IFT122: variants seen among roughly 807,000 people sequenced by gnomAD.
The protein encoded by IFT122 is intraflagellar transport 122.
Under a neutral mutation model 161.6 loss-of-function variants are expected in IFT122, and 118 were observed. That is an observed-to-expected ratio of 0.73 (90% CI 0.63 to 0.85). The LOEUF (loss-of-function observed/expected upper bound fraction) is 0.85, where lower values mean the gene tolerates loss of function less well. Ranked by LOEUF, IFT122 falls within the 40% of genes least tolerant of loss-of-function variation. The pLI is 0.00. For missense variants in IFT122, 1,381 were observed against 1,579.6 expected (o/e 0.87, Z 2.13); for synonymous variants, 550 against 602.4 (o/e 0.91, Z 1.27).
rs1242825996 is a variant in IFT122 at position 129,469,414 on chromosome 3, A to G, written c.813A>G (p.Lys271=). 1.9e-6 allele frequency: 3 copies of G among 1,612,642 alleles called. No homozygotes were observed. The highest frequency in any genetic ancestry group is 1.7e-5 in the Admixed American group (1 of 60,000). ...QKVSFYQLSG[K]QIGKDRALNF... The stretch of plus-strand genomic sequence containing the variant: ...TTTCCTTCTACCAGCTGAGTGGAAA[A>G]CAGGTATGTAGCCCTGTACAAATCC... Residue 271 remains lysine (K), a synonymous_variant, in exon 9 of 30, where the codon AAA becomes AAG. Transcript: ENST00000348417.
chr3:129,450,227 T>A (rs1228210449), intron 2 of IFT122, among the ~76,000 whole-genome samples: 1 of 152,200 alleles, frequency 6.6e-6, no homozygotes. Flanking sequence ...GAAACTGGAC[T>A]GGTGTCAGTT....
chr3:129,500,296 G>C (rs890575260), intron 19 of IFT122, among the ~76,000 whole-genome samples: 1 of 152,216 alleles, frequency 6.6e-6, no homozygotes, highest in African/African-American at 2.4e-5. Context: ...GAGACACCGG[G>C]ACATCACAGC....
At chr3:129,481,746 C>T (rs2078674068) in intron 14 of IFT122, 52 bp downstream of exon 14, 1 of 1,589,846 alleles carries the variant, frequency 6.3e-7, no homozygotes, top group Non-Finnish European at 8.6e-7. Flanking sequence ...AGAGACTCTC[C>T]TCTAGCTTCC....
At chr3:129,479,695 T>G in intron 12 of IFT122, 90 bp from the exon 13 acceptor site, 22 of 1,498,338 alleles carry the variant, frequency 1.5e-5, no homozygotes, top group Non-Finnish European at 2.0e-5. Context: ...GTAGGTATTT[T>G]CTCCCCTTAG....
intron 9 of IFT122, among the ~76,000 whole-genome samples, chr3:129,470,631 C>T (rs1347285216): frequency 1.3e-5 from 2 of 151,586 alleles, no homozygotes; most frequent in South Asian, 2.1e-4. Context: ...AGTGTAATGG[C>T]TCAATCTCGG....
At chr3:129,465,574 A>C (rs1022645651) in intron 7 of IFT122, among the ~76,000 whole-genome samples, 19 of 145,026 alleles carry the variant, frequency 1.3e-4, no homozygotes, top group Admixed American at 1.3e-3. Flanking sequence ...GGGTTCACGC[A>C]GTTCTCCTGT....
At chr3:129,456,026 A>G (rs1390709558) in intron 3 of IFT122, 1 of 428,580 alleles carries the variant, frequency 2.3e-6, no homozygotes, top group Non-Finnish European at 4.7e-6. Flanking sequence ...TTCAGGGGTC[A>G]ACTGTATGTA....
At position 129,511,569 on chromosome 3, in the gene IFT122, G is replaced by A. The variant is rs564156412; in HGVS notation, c.2887-743G>A. Among the ~76,000 whole-genome samples the A allele has an allele frequency of 4.6e-5, 7 of 152,332 alleles. No individual in the cohort carries two copies. The East Asian group carries it at 1.4e-3, about 29-fold the overall frequency. Reference sequence around the variant, plus strand: ...ATCTCAGTTTATATACAGTGTGCCAGATGCCTTCAAAATAAGGTATTCTTA... The same window carrying A: ...ATCTCAGTTTATATACAGTGTGCCAAATGCCTTCAAAATAAGGTATTCTTA... On this transcript the variant is annotated intron_variant, in intron 23 of 29. Coordinates refer to ENST00000348417, the MANE Select transcript of IFT122 (RefSeq NM_052989.3).
intron 18 of IFT122, among the ~76,000 whole-genome samples, chr3:129,497,093 C>T (rs1306470051): frequency 3.3e-5 from 5 of 152,090 alleles, no homozygotes; most frequent in African/African-American, 1.2e-4. Flanking sequence ...CCAGCCTGGG[C>T]AATATGGTGA....
chr3:129,488,932 C>T (rs1194201880), intron 16 of IFT122, among the ~76,000 whole-genome samples: 4 of 152,136 alleles, frequency 2.6e-5, no homozygotes, highest in African/African-American at 7.2e-5. Flanking sequence ...GGACTTGATT[C>T]GTTGTGTCCT....
At chr3:129,453,276 C>A (rs1380657115) in intron 3 of IFT122, among the ~76,000 whole-genome samples, 4 of 151,934 alleles carry the variant, frequency 2.6e-5, no homozygotes, top group Admixed American at 2.6e-4. Flanking sequence ...AATGGAAATT[C>A]TCAATTCCAT....
At chr3:129,443,523 G>A (rs974725505) in intron 1 of IFT122, among the ~76,000 whole-genome samples, 1 of 152,234 alleles carries the variant, frequency 6.6e-6, no homozygotes, top group Non-Finnish European at 1.5e-5. Flanking sequence ...CAGATGGACT[G>A]CATGACAAGG....
chr3:129,516,286 GCACACACACA>G (rs375077150), intron 26 of IFT122, among the ~76,000 whole-genome samples: 1 of 89,668 alleles, frequency 1.1e-5, no homozygotes, highest in Non-Finnish European at 2.0e-5. Flanking sequence ...GATTGCTCCT[GCACACACACA>G]CACACACACA....
At chr3:129,466,702 C>T (rs1390501341) in intron 7 of IFT122, among the ~76,000 whole-genome samples, 188 bp from the exon 8 acceptor site, 5 of 151,876 alleles carry the variant, frequency 3.3e-5, no homozygotes. Flanking sequence ...AGGGTTTCAC[C>T]ATGTTGGCCA....
Position 129,512,197 on chromosome 3 carries a change from A to G in IFT122, c.2887-115A>G, listed in dbSNP as rs748465216. ...AGCACACAGTAGGAGTAGGTGCTCA[A>G]TAATCAGAGCCGCTCTTGTTGATGT... On this transcript the variant is annotated intron_variant, in intron 23 of 29. Coordinates refer to ENST00000348417, the MANE Select transcript of IFT122 (RefSeq NM_052989.3). 31 of 800,738 alleles carry G rather than the reference A, an allele frequency of 3.9e-5. No homozygotes were observed. In the Admixed American group the frequency reaches 5.1e-4, roughly 13 times the overall value. The allele number at this position is 800,738 out of a possible 1,614,324, so 49.6% of individuals were successfully genotyped here.
Position 129,494,837 on chromosome 3 carries a change from G to A in IFT122, c.2047-609G>A, listed in dbSNP as rs945304263. Among the ~76,000 whole-genome samples the A allele has an allele frequency of 1.3e-4, 20 of 152,258 alleles. No homozygotes were observed. In the East Asian group the frequency reaches 1.4e-3, roughly 10 times the overall value. ...CCTGTTCCTCTTCTTGAGTCTCAGC[G>A]TCCTTCACTCTAACACTTGGGTAGT... On this transcript the variant is annotated intron_variant, in intron 17 of 29. Transcript: ENST00000348417.
intron 4 of IFT122, chr3:129,460,844 A>G: frequency 6.2e-7 from 1 of 1,610,464 alleles, no homozygotes; most frequent in Non-Finnish European, 8.5e-7. Flanking sequence ...AGGATTTGTC[A>G]TGTTTCCAGA....
intron 21 of IFT122, among the ~76,000 whole-genome samples, chr3:129,505,390 G>A (rs1240415873): frequency 2.0e-5 from 3 of 152,212 alleles, no homozygotes; most frequent in African/African-American, 7.2e-5. Context: ...CCCTGTTGGA[G>A]CCCCTCAACC....
At position 129,488,525 on chromosome 3, in the gene IFT122, T is replaced by C. The variant is rs962574927; in HGVS notation, c.1992+128T>C. ...TCTCTGGAGTTAGGCTGACCTGGGC[T>C]TGTATCTTAGCCACTTCCTCACTGT... On this transcript the variant is annotated intron_variant, in intron 16 of 29. Coordinates refer to ENST00000348417, the MANE Select transcript of IFT122 (RefSeq NM_052989.3). 3 of 1,223,658 alleles carry C rather than the reference T, an allele frequency of 2.5e-6. No individual in the cohort carries two copies. In the African/African-American group the frequency reaches 4.5e-5, roughly 18 times the overall value. The allele number at this position is 1,223,658 out of a possible 1,614,324, so 75.8% of individuals were successfully genotyped here.
Sources: gnomAD v4.1 joint callset for allele counts (sites outside exome capture counted in the v4.1 genomes callset) on GRCh38, gnomAD v4.1.1 for gene constraint, MANE v1.5 for transcripts, NCBI Gene and HGNC (gene_info 2026-07-23, HGNC 2026-07-21) for gene names.